Variants in GHR observed in about 807,000 individuals in gnomAD.
GHR encodes GH receptor.
A neutral mutation model predicts 67.1 loss-of-function variants in GHR; 35 were observed. The ratio of observed to expected loss-of-function variants is 0.52; its 90% CI spans 0.40 to 0.69. The LOEUF is 0.69. Ranked by LOEUF, GHR falls within the 30% of genes least tolerant of loss-of-function variation. GHR has a pLI of 0.00. For missense variants in GHR, 792 were observed against 764.6 expected (o/e 1.04, Z -0.42); for synonymous variants, 272 against 269.1 (o/e 1.01, Z -0.10).
chr5:42,682,962 T>A (rs1756960165), intron 3 of GHR, among the ~76,000 whole-genome samples: 1 of 152,044 alleles, frequency 6.6e-6, no homozygotes, highest in Non-Finnish European at 1.5e-5. Flanking sequence ...CTTATTTACA[T>A]TGTTGTTGGC....
intron 1 of GHR, among the ~76,000 whole-genome samples, chr5:42,439,191 A>G (rs750625633): frequency 3.9e-5 from 6 of 152,162 alleles, no homozygotes; most frequent in African/African-American, 7.2e-5. Context: ...CATAATTTTA[A>G]AAGGAAGGAT....
Position 42,563,723 on chromosome 5 carries a change from G to A in GHR, c.-11-2141G>A, listed in dbSNP as rs1227193623. On this transcript the variant is annotated intron_variant, in intron 1 of 9. Transcript: ENST00000230882. ...CTTGGAAGGCTCAAGCAGGAGAATC[G>A]CTTAAACCTGGGAGGCGGAAGTTGC... 4.0e-5 allele frequency among the ~76,000 whole-genome samples: 6 copies of A among 151,106 alleles called. No individual in the cohort carries two copies. The South Asian group carries it at 1.0e-3, about 26-fold the overall frequency.
chr5:42,576,089 TA>T (rs374889353), intron 2 of GHR, among the ~76,000 whole-genome samples: 74 of 79,752 alleles, frequency 9.3e-4, no homozygotes, highest in African/African-American at 2.5e-3. Flanking sequence ...TAAAATAAAA[TA>T]AAATAAAATA....
intron 1 of GHR, among the ~76,000 whole-genome samples, chr5:42,541,504 A>C (rs1028740113): frequency 2.0e-5 from 3 of 152,138 alleles, no homozygotes; most frequent in Admixed American, 2.0e-4. Context: ...TAGGACTTTC[A>C]GACCACTGTA....
chr5:42,532,479 G>A (rs1182472023), intron 1 of GHR, among the ~76,000 whole-genome samples: 2 of 152,092 alleles, frequency 1.3e-5, no homozygotes, highest in Non-Finnish European at 2.9e-5. Context: ...CTGCTTCTTA[G>A]CTGTTATTCG....
chr5:42,607,808 G>A (rs772058685), intron 2 of GHR, among the ~76,000 whole-genome samples: 2 of 152,194 alleles, frequency 1.3e-5, no homozygotes, highest in Non-Finnish European at 2.9e-5. Context: ...GAGAATAGCA[G>A]AAGTTTGATG....
At chr5:42,622,483 C>T (rs974723384) in intron 2 of GHR, among the ~76,000 whole-genome samples, 1 of 152,096 alleles carries the variant, frequency 6.6e-6, no homozygotes, top group Admixed American at 6.6e-5. Flanking sequence ...TATGGAAGGG[C>T]AAGGTAAGCA....
chr5:42,611,356 C>T (rs916980839), intron 2 of GHR, among the ~76,000 whole-genome samples: 19 of 152,060 alleles, frequency 1.2e-4, no homozygotes, highest in African/African-American at 4.1e-4. Context: ...TTTTTCCAAC[C>T]TTAATTACCA....
rs1012540744 is a variant in GHR at position 42,424,573 on chromosome 5, A to G, written c.-12+618A>G. 3.8e-5 allele frequency: 58 copies of G among 1,534,618 alleles called. 1 individual carries two copies. In the Admixed American group the frequency reaches 1.1e-3, roughly 29 times the overall value. ...CGATGGAACTGGGGTCAGTAGAGTG[A>G]CAGCCACCAGTCCGCATGAACTGGG... is the stretch of plus-strand genomic sequence containing the variant. On this transcript the variant is annotated intron_variant, in intron 1 of 9. Coordinates refer to ENST00000230882, the MANE Select transcript of GHR (RefSeq NM_000163.5). The surrounding 1 kb of genome is among the most constrained non-coding windows in gnomAD (Gnocchi z 4.1).
At position 42,465,800 on chromosome 5, in the gene GHR, C is replaced by T. The variant is rs147104328; in HGVS notation, c.-12+41845C>T. On this transcript the variant is annotated intron_variant, in intron 1 of 9. Coordinates refer to ENST00000230882, the MANE Select transcript of GHR (RefSeq NM_000163.5). Reference sequence around the variant, plus strand: ...GCCCATTTCACGTCCACTGCCCTCTCGACCTCTTCCAAGACCACCATGACC... The same window carrying T: ...GCCCATTTCACGTCCACTGCCCTCTTGACCTCTTCCAAGACCACCATGACC... 3.5e-4 allele frequency: 273 copies of T among 786,408 alleles called. No homozygotes were observed. The East Asian group carries it at 6.1e-3, about 18-fold the overall frequency. The allele number at this position is 786,408 out of a possible 1,614,324, so 48.7% of individuals were successfully genotyped here.
At chr5:42,524,070 G>A (rs1161904004) in intron 1 of GHR, among the ~76,000 whole-genome samples, 1 of 152,186 alleles carries the variant, frequency 6.6e-6, no homozygotes, top group East Asian at 1.9e-4. Context: ...AACTAATACA[G>A]TAAATTGGTA....
chr5:42,523,326 T>G (rs1747556972), intron 1 of GHR, among the ~76,000 whole-genome samples: 1 of 152,202 alleles, frequency 6.6e-6, no homozygotes, highest in Non-Finnish European at 1.5e-5. Context: ...TTGTAGATAA[T>G]TGTGTTTTTA....
chr5:42,705,749 G>A (rs114526102), intron 6 of GHR, among the ~76,000 whole-genome samples: 3,928 of 152,102 alleles, frequency 0.026, 187 homozygotes, highest in African/African-American at 0.09. Context: ...TCCTTTTTAC[G>A]CCTGAGCAGT....
chr5:42,616,528 T>C (rs1561170659), intron 2 of GHR, among the ~76,000 whole-genome samples: 1 of 152,042 alleles, frequency 6.6e-6, no homozygotes, highest in Non-Finnish European at 1.5e-5. Context: ...AGGATTGAGA[T>C]ACCTATTAGA....
At chr5:42,533,141 G>T (rs1002754152) in intron 1 of GHR, among the ~76,000 whole-genome samples, 2 of 152,050 alleles carry the variant, frequency 1.3e-5, no homozygotes, top group Non-Finnish European at 2.9e-5. Flanking sequence ...GATGTGAATT[G>T]CTCTATCACT....
intron 1 of GHR, among the ~76,000 whole-genome samples, chr5:42,533,150 CTG>C (rs1243585897): frequency 1.3e-5 from 2 of 152,232 alleles, no homozygotes; most frequent in East Asian, 3.9e-4. Context: ...TGCTCTATCA[CTG>C]TTTTAATATT....
rs1375310433 is a variant in GHR at position 42,527,548 on chromosome 5, T to C, written c.-11-38316T>C. ...GTATATGTACCCAACACAAGAGCAC[T>C]GTATTCATAAGGCAAGGTCTTAGAT... On this transcript the variant is annotated intron_variant, in intron 1 of 9. Transcript: ENST00000230882. Among the ~76,000 whole-genome samples the C allele has an allele frequency of 3.3e-5, 5 of 152,190 alleles. No homozygotes were observed. The East Asian group carries it at 9.6e-4, about 29-fold the overall frequency.
At chr5:42,548,059 T>C in intron 1 of GHR, 1 of 984,856 alleles carries the variant, frequency 1.0e-6, no homozygotes. Flanking sequence ...CTCAGCTGAT[T>C]TGGCTGCCTC....
At chr5:42,665,160 C>T (rs917586322) in intron 3 of GHR, among the ~76,000 whole-genome samples, 1 of 152,112 alleles carries the variant, frequency 6.6e-6, no homozygotes, top group Non-Finnish European at 1.5e-5. Context: ...GGACTGTAAA[C>T]TAGTTCAACC....
Sources: allele counts gnomAD v4.1 joint callset (sites outside exome capture counted in the v4.1 genomes callset), GRCh38; gene constraint gnomAD v4.1.1; non-coding constraint Gnocchi (gnomAD v3.1); transcripts MANE v1.5; gene names NCBI Gene and HGNC (gene_info 2026-07-23, HGNC 2026-07-21).